CTXND1: variants seen among roughly 807,000 people sequenced by gnomAD.
CTXND1 encodes cortexin domain containing 1, also known as cortexin domain-containing 1 protein.
Position 80,201,719 on chromosome 15 carries a change from G to T in CTXND1, c.*51C>A. 1 of 398,448 alleles carries T rather than the reference G, an allele frequency of 2.5e-6. No homozygotes were observed. Among genetic ancestry groups the T allele is most frequent in the South Asian group, 1.3e-4 (1 of 7,560 alleles). 24.7% of individuals were successfully genotyped at this position (398,448 alleles called of 1,614,324 possible). Reference sequence around the variant, plus strand: ...GCAGGGAACACACGGATGCATCCTGGGGCACAGCCACCCACAGAGCGCCAG... The same window carrying T: ...GCAGGGAACACACGGATGCATCCTGTGGCACAGCCACCCACAGAGCGCCAG... On this transcript the variant is annotated 3_prime_UTR_variant, in exon 3 of 3. Transcript: ENST00000560778.
intron 1 of CTXND1, among the ~76,000 whole-genome samples, chr15:80,225,189 A>C (rs1001215703): frequency 2.6e-5 from 4 of 152,250 alleles, no homozygotes; most frequent in East Asian, 3.8e-4. Context: ...GATTTTAGCA[A>C]GTAGTGTTAG....
intron 1 of CTXND1, among the ~76,000 whole-genome samples, chr15:80,204,787 T>C (rs1893131703): frequency 6.6e-6 from 1 of 152,048 alleles, no homozygotes; most frequent in Admixed American, 6.6e-5. Flanking sequence ...CTTGAGACTC[T>C]GCTTTCAATG....
intron 1 of CTXND1, among the ~76,000 whole-genome samples, chr15:80,225,562 T>A (rs1567132215): frequency 6.6e-6 from 1 of 152,234 alleles, no homozygotes; most frequent in African/African-American, 2.4e-5. Flanking sequence ...CCCATCCCTC[T>A]GTCCTTGAGG....
chr15:80,246,330 A>G (rs180943564), intron 1 of CTXND1, among the ~76,000 whole-genome samples: 1 of 152,336 alleles, frequency 6.6e-6, no homozygotes, highest in African/African-American at 2.4e-5. Context: ...AATTGGAGTA[A>G]TTATGGACTT....
At chr15:80,237,336 GAAAAAAAA>G (rs201997173) in intron 1 of CTXND1, among the ~76,000 whole-genome samples, 3 of 101,574 alleles carry the variant, frequency 3.0e-5, no homozygotes, top group South Asian at 5.8e-4. Context: ...CAGTGTCTCA[GAAAAAAAA>G]AAAAAAAAAA....
intron 1 of CTXND1, among the ~76,000 whole-genome samples, chr15:80,233,071 A>G (rs978677596): frequency 6.7e-6 from 1 of 149,754 alleles, no homozygotes. Context: ...CCTCCTGAGT[A>G]TCTGGGATTA....
intron 1 of CTXND1, among the ~76,000 whole-genome samples, chr15:80,204,169 A>AAAAAAT (rs1555443860): frequency 2.6e-4 from 17 of 65,198 alleles, no homozygotes; most frequent in South Asian, 1.5e-3. Flanking sequence ...AAAAAAAAAA[A>AAAAAAT]ATATATATAT....
At chr15:80,248,509 T>C (rs1223372476) in intron 1 of CTXND1, among the ~76,000 whole-genome samples, 3 of 152,202 alleles carry the variant, frequency 2.0e-5, no homozygotes, top group Admixed American at 6.5e-5. Context: ...CCTAACTAGA[T>C]ACCATTTCCT....
At chr15:80,213,978 A>G (rs935021843) in intron 1 of CTXND1, among the ~76,000 whole-genome samples, 1 of 152,126 alleles carries the variant, frequency 6.6e-6, no homozygotes, top group African/African-American at 2.4e-5. Context: ...GGAAAGGCAT[A>G]TAGAGAATAA....
chr15:80,220,151 A>G (rs1359181704), intron 1 of CTXND1, among the ~76,000 whole-genome samples: 1 of 24,642 alleles, frequency 4.1e-5, no homozygotes, highest in Non-Finnish European at 7.5e-5. Context: ...TCTATCATCT[A>G]TCTATCTATC....
intron 1 of CTXND1, among the ~76,000 whole-genome samples, chr15:80,222,135 C>G (rs1292131959): frequency 6.6e-6 from 1 of 152,096 alleles, no homozygotes; most frequent in Non-Finnish European, 1.5e-5. Context: ...TTAGAATCCT[C>G]TATTTCTTCA....
intron 1 of CTXND1, among the ~76,000 whole-genome samples, chr15:80,225,336 T>G (rs1168396034): frequency 7.1e-6 from 1 of 139,982 alleles, no homozygotes. Flanking sequence ...GTGTGTTTTT[T>G]TGTGTCTTGT....
chr15:80,243,271 C>T (rs1310360123), intron 1 of CTXND1, among the ~76,000 whole-genome samples: 1 of 152,228 alleles, frequency 6.6e-6, no homozygotes, highest in Admixed American at 6.5e-5. Flanking sequence ...CCAAGTTATA[C>T]CTACCAAGCC....
chr15:80,249,336 G>T (rs1172589964), intron 1 of CTXND1, among the ~76,000 whole-genome samples: 1 of 152,128 alleles, frequency 6.6e-6, no homozygotes, highest in Non-Finnish European at 1.5e-5. Flanking sequence ...CCATTTTGGG[G>T]TCTGTGGGAT....
At chr15:80,225,083 T>C (rs1595907205) in intron 1 of CTXND1, among the ~76,000 whole-genome samples, 2 of 152,216 alleles carry the variant, frequency 1.3e-5, no homozygotes, top group East Asian at 1.9e-4. Context: ...CTTTCTTTTA[T>C]CCTTATACGT....
At chr15:80,216,168 C>G (rs376259836) in intron 1 of CTXND1, among the ~76,000 whole-genome samples, 1 of 152,162 alleles carries the variant, frequency 6.6e-6, no homozygotes, top group African/African-American at 2.4e-5. Flanking sequence ...ATCATGTCCC[C>G]GTTCTCCAGG....
chr15:80,225,271 A>G (rs910003670), intron 1 of CTXND1, among the ~76,000 whole-genome samples: 2 of 152,242 alleles, frequency 1.3e-5, no homozygotes, highest in African/African-American at 4.8e-5. Flanking sequence ...GGAAGCTTAT[A>G]GGATATAATC....
At chr15:80,228,886 C>T (rs1437228) in intron 1 of CTXND1, among the ~76,000 whole-genome samples, 11,211 of 152,018 alleles carry the variant, frequency 0.074, 715 homozygotes, top group East Asian at 0.28. Context: ...CCTCGGCCCC[C>T]GAAAGTGCTG....
At chr15:80,233,133 G>A (rs933701201) in intron 1 of CTXND1, among the ~76,000 whole-genome samples, 1 of 151,944 alleles carries the variant, frequency 6.6e-6, no homozygotes, top group Non-Finnish European at 1.5e-5. Flanking sequence ...GTAGAGACGG[G>A]TTTCACCCTC....
Sources: allele counts gnomAD v4.1 joint callset (sites outside exome capture counted in the v4.1 genomes callset), GRCh38; gene constraint gnomAD v4.1.1; transcripts MANE v1.5; gene names NCBI Gene and HGNC (gene_info 2026-07-23, HGNC 2026-07-21).